ANKRD17: variants seen among roughly 807,000 people sequenced by gnomAD.
ANKRD17 encodes the protein ankyrin repeat domain-containing protein 17.
Under a neutral mutation model 229.7 loss-of-function variants are expected in ANKRD17, and 19 were observed. The ratio of observed to expected loss-of-function variants is 0.08; its 90% CI spans 0.06 to 0.12. The LOEUF is 0.12. ANKRD17 is among the 10% of genes least tolerant of loss of function. ANKRD17 has a pLI of 1.00. For missense variants in ANKRD17, 2,176 were observed against 3,176.8 expected (o/e 0.68, Z 7.57); for synonymous variants, 1,112 against 1,146.1 (o/e 0.97, Z 0.60).
chr4:73,114,030 G>A, intron 23 of ANKRD17, 122 bp from the exon 24 acceptor site: 4 of 614,600 alleles, frequency 6.5e-6, no homozygotes, highest in Middle Eastern at 3.1e-4. Flanking sequence ...CCATGAAAGG[G>A]GGAAAAAAGG....
intron 10 of ANKRD17, among the ~76,000 whole-genome samples, chr4:73,145,981 C>T (rs138782721): frequency 2.0e-5 from 3 of 152,162 alleles, no homozygotes; most frequent in East Asian, 3.9e-4. Context: ...CTTAGAATCT[C>T]GGGGCCATAA....
At chr4:73,196,503 T>C (rs1737904663) in intron 1 of ANKRD17, among the ~76,000 whole-genome samples, 1 of 152,238 alleles carries the variant, frequency 6.6e-6, no homozygotes, top group Non-Finnish European at 1.5e-5. Context: ...ATGTACCATA[T>C]ATACACGTAT....
chr4:73,097,122 T>A lies in ANKRD17; in HGVS notation c.5172A>T (p.Val1724=). 6.2e-7 allele frequency: 1 copy of A among 1,610,104 alleles called. No homozygotes were observed. Among genetic ancestry groups the A allele is most frequent in the East Asian group, 2.2e-5 (1 of 44,618 alleles). ...TGACAAAAACAATTACTCACCTTCT[T>A]ACAACTTCTTTCCATCCTTCTTCCC... ...QKREEGWKEV[V]RRSKKVSVPS... is the part of the protein sequence containing the mutation. The change falls in exon 27 of 34, where the codon GTA becomes GTT. Residue 1724 remains valine (V), a synonymous_variant. Transcript: ENST00000358602.
At chr4:73,148,680 T>C (rs1560597543) in intron 8 of ANKRD17, 133 bp downstream of exon 8, 16 of 802,506 alleles carry the variant, frequency 2.0e-5, no homozygotes, top group Non-Finnish European at 3.0e-5. Context: ...TCACAGTAAA[T>C]ACTTTATCAC....
chr4:73,247,153 T>A (rs1031389837), intron 1 of ANKRD17, among the ~76,000 whole-genome samples: 1 of 151,868 alleles, frequency 6.6e-6, no homozygotes, highest in African/African-American at 2.4e-5. Context: ...TTTCAAGACA[T>A]CCAAATGAAA....
At chr4:73,109,276 G>T (rs1035876935) in intron 24 of ANKRD17, among the ~76,000 whole-genome samples, 1 of 151,426 alleles carries the variant, frequency 6.6e-6, no homozygotes, top group Admixed American at 6.6e-5. Context: ...CTGCAGCATG[G>T]GTGACAGAGT....
intron 24 of ANKRD17, among the ~76,000 whole-genome samples, chr4:73,105,328 A>G (rs1184978865): frequency 6.6e-6 from 1 of 151,556 alleles, no homozygotes; most frequent in African/African-American, 2.4e-5. Context: ...GTATACATAC[A>G]CACATACACC....
At chr4:73,228,352 T>C (rs1742710236) in intron 1 of ANKRD17, among the ~76,000 whole-genome samples, 1 of 152,174 alleles carries the variant, frequency 6.6e-6, no homozygotes, top group Admixed American at 6.5e-5. Context: ...GGAATCTAGA[T>C]ATATGTCTAA....
intron 30 of ANKRD17, 22 bp downstream of exon 30, chr4:73,085,227 A>C (rs370454898): frequency 3.4e-5 from 54 of 1,609,758 alleles, no homozygotes; most frequent in Non-Finnish European, 2.2e-5. Context: ...ATTCTTATGG[A>C]ATTACGGTGT....
In ANKRD17 at chr4:73,124,999, G is replaced by C. The variant is rs1193464134; in HGVS notation, c.3406C>G (p.Leu1136Val). Residue 1136 changes from leucine to valine, a missense_variant, in exon 18 of 34, where the codon CTG becomes GTG. By Grantham distance (32) the Leu-to-Val change is conservative. Coordinates refer to ENST00000358602, the MANE Select transcript of ANKRD17 (RefSeq NM_032217.5). ...AGHVGVVEIL[L>V]DNGADIEAQS... ...GCTTCAATGTCTGCACCATTGTCCA[G>C]CAATATTTCCACAACACCAACATGA... 1 of 1,614,020 alleles carries C rather than the reference G, an allele frequency of 6.2e-7. No individual in the cohort carries two copies. The highest frequency in any genetic ancestry group is 8.5e-7 in the Non-Finnish European group (1 of 1,180,042).
chr4:73,154,039 T>C lies in ANKRD17; in HGVS notation c.1075A>G (p.Ser359Gly). ...CCATTTTCATTATGGTCCTCAATACTAGCACCGGATTCCAAGAGCACCTTT... is the reference window on the plus strand; with the variant it reads ...CCATTTTCATTATGGTCCTCAATACCAGCACCGGATTCCAAGAGCACCTTT... ...VVKVLLESGA[S>G]IEDHNENGHT... The change falls in exon 6 of 34, where the codon AGT becomes GGT. Residue 359 changes from serine to glycine, a missense_variant. Ser to Gly is a moderately conservative substitution (Grantham distance 56). This residue lies in a region of ANKRD17 where 184 missense variants were observed against 357.8 expected (regional missense o/e 0.51). Coordinates refer to ENST00000358602, the MANE Select transcript of ANKRD17 (RefSeq NM_032217.5). The C allele has an allele frequency of 1.9e-6, 3 of 1,612,744 alleles. No homozygotes were observed. Among genetic ancestry groups the C allele is most frequent in the Non-Finnish European group, 2.5e-6 (3 of 1,179,408 alleles).
In ANKRD17 at chr4:73,089,263, T is replaced by G. The variant is rs767752759; in HGVS notation, c.6961+1404A>C. ...TAAGCCCAGGCTGGTCTGGAACTCC[T>G]GGGCTTAAGCAATCGACCCACCTCA... On this transcript the variant is annotated intron_variant, in intron 29 of 33. Coordinates refer to ENST00000358602, the MANE Select transcript of ANKRD17 (RefSeq NM_032217.5). Among the ~76,000 whole-genome samples the G allele has an allele frequency of 1.6e-4, 24 of 152,082 alleles. No individual in the cohort carries two copies. In the Middle Eastern group the frequency reaches 0.01, roughly 65 times the overall value.
chr4:73,083,482 G>A (rs1485347065), intron 30 of ANKRD17, among the ~76,000 whole-genome samples: 3 of 152,132 alleles, frequency 2.0e-5, no homozygotes, highest in Non-Finnish European at 4.4e-5. Context: ...AAATTTAGGC[G>A]AAGGAAATAT....
intron 1 of ANKRD17, among the ~76,000 whole-genome samples, chr4:73,221,663 A>G (rs897929759): frequency 1.3e-5 from 2 of 152,234 alleles, no homozygotes; most frequent in Non-Finnish European, 2.9e-5. Flanking sequence ...ACTATTTCTA[A>G]GTAGATAATT....
chr4:73,224,877 C>T (rs1742304881), intron 1 of ANKRD17, among the ~76,000 whole-genome samples: 1 of 152,178 alleles, frequency 6.6e-6, no homozygotes, highest in South Asian at 2.1e-4. Flanking sequence ...TACTTCTTCC[C>T]TGTGATAATC....
At chr4:73,172,243 C>T (rs28848526) in intron 2 of ANKRD17, among the ~76,000 whole-genome samples, 30,861 of 152,054 alleles carry the variant, frequency 0.2, 3,975 homozygotes, top group Non-Finnish European at 0.27. Context: ...CAGTGGAAAC[C>T]TTACAGCCCA....
chr4:73,218,722 T>G (rs891729256), intron 1 of ANKRD17, among the ~76,000 whole-genome samples: 2 of 151,828 alleles, frequency 1.3e-5, no homozygotes, highest in African/African-American at 4.8e-5. Flanking sequence ...TCCACCTCTG[T>G]GAGACAAAAT....
intron 2 of ANKRD17, among the ~76,000 whole-genome samples, chr4:73,176,633 A>C (rs1384992208): frequency 6.6e-6 from 1 of 152,164 alleles, no homozygotes; most frequent in Non-Finnish European, 1.5e-5. Context: ...AAAATGAATA[A>C]GACCTAGTAT....
chr4:73,239,915 C>A (rs1203302911), intron 1 of ANKRD17, among the ~76,000 whole-genome samples: 1 of 152,138 alleles, frequency 6.6e-6, no homozygotes, highest in East Asian at 1.9e-4. Context: ...AAGGATATTA[C>A]CCCCTCAATA....
Sources: gnomAD v4.1 joint callset for allele counts (sites outside exome capture counted in the v4.1 genomes callset) on GRCh38, gnomAD v4.1.1 for gene constraint, gnomAD v4.1.1 regional missense constraint, MANE v1.5 for transcripts, NCBI Gene and HGNC (gene_info 2026-07-23, HGNC 2026-07-21) for gene names.